The following TPD52 variants were observed in gnomAD, a reference collection of about 807,000 sequenced individuals.
The protein encoded by TPD52 is tumor protein D52.
TPD52 carries 17 observed loss-of-function variants against 31.3 expected under a neutral mutation model. The observed-to-expected ratio is 0.54, with a 90% CI of 0.37 to 0.82. The LOEUF (loss-of-function observed/expected upper bound fraction) is 0.82, where lower values mean the gene tolerates loss of function less well. Among genes scored for constraint, TPD52 ranks in the 40% least tolerant of loss-of-function variants. The pLI, the probability that TPD52 is intolerant of heterozygous loss-of-function variation, is 0.00. For missense variants in TPD52, 212 were observed against 240.1 expected, an observed-to-expected ratio of 0.88 and a Z score of 0.77; for synonymous variants, 83 against 89.6, an observed-to-expected ratio of 0.93 and a Z score of 0.42.
chr8:80,164,416 G>A (rs970593773), intron 1 of TPD52, among the ~76,000 whole-genome samples: 3 of 152,150 alleles, frequency 2.0e-5, no homozygotes, highest in African/African-American at 7.2e-5. Flanking sequence ...TAGGCAGTTG[G>A]GTGGCCAATT....
chr8:80,097,844 T>C (rs1806447592), intron 1 of TPD52, among the ~76,000 whole-genome samples: 1 of 152,208 alleles, frequency 6.6e-6, no homozygotes, highest in Non-Finnish European at 1.5e-5. Flanking sequence ...CTTGCAAAGT[T>C]AGAGAGGAGA....
intron 1 of TPD52, among the ~76,000 whole-genome samples, chr8:80,110,216 T>C (rs116015788): frequency 0.01 from 1,568 of 152,278 alleles, 35 homozygotes; most frequent in African/African-American, 0.036. Context: ...GGACTTTAAC[T>C]AAGAAGCTAA....
At chr8:80,108,608 A>G (rs571850989) in intron 1 of TPD52, among the ~76,000 whole-genome samples, 211 of 152,360 alleles carry the variant, frequency 1.4e-3, no homozygotes, top group African/African-American at 4.6e-3. Flanking sequence ...CTCTGGATAT[A>G]CAGGTTTCTT....
At chr8:80,149,642 T>C (rs1810439376) in intron 1 of TPD52, among the ~76,000 whole-genome samples, 1 of 152,134 alleles carries the variant, frequency 6.6e-6, no homozygotes, top group Non-Finnish European at 1.5e-5. Context: ...ATGCTGATAG[T>C]GATATGGACA....
intron 1 of TPD52, among the ~76,000 whole-genome samples, chr8:80,116,624 G>C (rs970463098): frequency 1.3e-5 from 2 of 152,074 alleles, no homozygotes; most frequent in Admixed American, 6.6e-5. Flanking sequence ...TAGAAGAGGA[G>C]GAAATGCTAT....
intron 1 of TPD52, among the ~76,000 whole-genome samples, chr8:80,136,248 G>C (rs1809402423): frequency 6.9e-6 from 1 of 145,130 alleles, no homozygotes; most frequent in Non-Finnish European, 1.5e-5. Context: ...ACAATGGCCG[G>C]GCGCGGTGGC....
chr8:80,110,115 G>A (rs1298614048), intron 1 of TPD52, among the ~76,000 whole-genome samples: 1 of 152,116 alleles, frequency 6.6e-6, no homozygotes, highest in East Asian at 1.9e-4. Context: ...ATCACCCTCT[G>A]GACTCAGAGA....
At chr8:80,118,323 G>A (rs950882024) in intron 1 of TPD52, among the ~76,000 whole-genome samples, 1 of 152,068 alleles carries the variant, frequency 6.6e-6, no homozygotes, top group Non-Finnish European at 1.5e-5. Context: ...AAATGTAAGG[G>A]TTTAAACTAT....
chr8:80,169,113 T>G (rs537450540), intron 1 of TPD52, among the ~76,000 whole-genome samples: 19 of 152,322 alleles, frequency 1.2e-4, no homozygotes, highest in Non-Finnish European at 2.1e-4. Context: ...GCCTCCTGAA[T>G]AGCTGGGACT....
chr8:80,081,661 T>A (rs559020813), intron 1 of TPD52, among the ~76,000 whole-genome samples: 1 of 151,630 alleles, frequency 6.6e-6, no homozygotes, highest in Admixed American at 6.6e-5. Context: ...AACATCAGCA[T>A]GTGTCTAGTG....
intron 1 of TPD52, among the ~76,000 whole-genome samples, chr8:80,163,602 T>C (rs1811507374): frequency 6.6e-6 from 1 of 152,198 alleles, no homozygotes; most frequent in Non-Finnish European, 1.5e-5. Context: ...ACGATTAAGA[T>C]GGTAAATTTT....
chr8:80,110,843 C>G (rs1471770214), intron 1 of TPD52, among the ~76,000 whole-genome samples: 1 of 152,176 alleles, frequency 6.6e-6, no homozygotes, highest in Non-Finnish European at 1.5e-5. Context: ...AGCTTCCCCT[C>G]TTGCCCCTCC....
At chr8:80,132,741 A>AAG (rs771110556) in intron 1 of TPD52, among the ~76,000 whole-genome samples, 7 of 152,274 alleles carry the variant, frequency 4.6e-5, no homozygotes, top group East Asian at 3.9e-4. Context: ...ATGGCGCCAG[A>AAG]AGATTTGGAA....
rs1388005721 is a variant in TPD52 at position 80,085,619 on chromosome 8, G to A, written c.20-21026C>T. 3.3e-5 allele frequency among the ~76,000 whole-genome samples: 5 copies of A among 152,026 alleles called. No individual in the cohort carries two copies. The South Asian group carries it at 1.0e-3, about 32-fold the overall frequency. On this transcript the variant is annotated intron_variant, in intron 1 of 7. Transcript: ENST00000518937. ...CAATCAGGCCGCCAAAAAAATTAGG[G>A]ACAGTCAGGGATTATAAACCACTGA... is the stretch of plus-strand genomic sequence containing the variant.
chr8:80,034,406 G>T (rs1235293731), downstream of TPD52, among the ~76,000 whole-genome samples: 4 of 152,114 alleles, frequency 2.6e-5, no homozygotes, highest in African/African-American at 7.2e-5. Flanking sequence ...TGCCACTTCT[G>T]CAGAGCCTGC....
At chr8:80,121,635 A>T (rs1163558044) in intron 1 of TPD52, among the ~76,000 whole-genome samples, 1 of 152,198 alleles carries the variant, frequency 6.6e-6, no homozygotes, top group Non-Finnish European at 1.5e-5. Context: ...TAAACTCTGT[A>T]CATCTGTTAC....
intron 1 of TPD52, among the ~76,000 whole-genome samples, chr8:80,118,053 C>G (rs1807996831): frequency 1.3e-5 from 2 of 151,982 alleles, no homozygotes; most frequent in Non-Finnish European, 2.9e-5. Flanking sequence ...CTTCTAATTT[C>G]AAACTTCACT....
chr8:80,038,156 G>T lies in TPD52; in HGVS notation c.584C>A (p.Thr195Asn). ...TGTCTTTTCTGGAAGAGGCTCCGTGGTGGTGGCACTAGCATTTGCAGCCGA... is the reference window on the plus strand; with the variant it reads ...TGTCTTTTCTGGAAGAGGCTCCGTGTTGGTGGCACTAGCATTTGCAGCCGA... Reference protein sequence around the residue: ...LNSAANASATTTEPLPEKTQE... With the variant: ...LNSAANASATNTEPLPEKTQE... Residue 195 changes from threonine to asparagine, a missense_variant, in exon 8 of 8, where the codon ACC becomes AAC. By Grantham distance (65) the Thr-to-Asn change is moderately conservative. Coordinates refer to ENST00000518937, the MANE Select transcript of TPD52 (RefSeq NM_001025253.3). 1 of 1,614,086 alleles carries T rather than the reference G, an allele frequency of 6.2e-7. No homozygotes were observed. The highest frequency in any genetic ancestry group is 2.2e-5 in the East Asian group (1 of 44,876).
chr8:80,041,554 A>T (rs1174940795), intron 7 of TPD52, among the ~76,000 whole-genome samples: 2 of 152,206 alleles, frequency 1.3e-5, no homozygotes. Flanking sequence ...AATAGATGGG[A>T]ACTAGACAAC....
Sources: allele counts gnomAD v4.1 joint callset (sites outside exome capture counted in the v4.1 genomes callset), GRCh38; gene constraint gnomAD v4.1.1; transcripts MANE v1.5; gene names NCBI Gene and HGNC (gene_info 2026-07-23, HGNC 2026-07-21).